KAZN: variants seen among roughly 807,000 people sequenced by gnomAD.
KAZN encodes kazrin.
Under a neutral mutation model 87.4 loss-of-function variants are expected in KAZN, and 40 were observed. The observed-to-expected ratio is 0.46, with a 90% confidence interval of 0.36 to 0.60. KAZN has a LOEUF of 0.60. Among genes scored for constraint, KAZN ranks in the 20% least tolerant of loss-of-function variants. KAZN has a pLI of 0.00. For synonymous variants in KAZN, 466 were observed against 458.3 expected (o/e 1.02, Z -0.22); for missense variants, 898 against 1,073.9 (o/e 0.84, Z 2.29).
intron 1 of KAZN, among the ~76,000 whole-genome samples, chr1:14,099,515 G>A (rs1448247489): frequency 6.6e-6 from 1 of 152,108 alleles, no homozygotes; most frequent in Non-Finnish European, 1.5e-5. Flanking sequence ...AAGCCTGCCT[G>A]CTACCTGCCA....
chr1:15,086,336 A>G (rs1330791335), intron 8 of KAZN, among the ~76,000 whole-genome samples: 5 of 152,212 alleles, frequency 3.3e-5, no homozygotes, highest in Non-Finnish European at 7.3e-5. Context: ...ACTTCTCTAT[A>G]GCAGAAATGA....
intron 1 of KAZN, among the ~76,000 whole-genome samples, chr1:14,896,059 TTTTTTTTTTTTTTG>T (rs1196801132): frequency 3.5e-4 from 2 of 5,692 alleles, no homozygotes; most frequent in East Asian, 5.2e-3. Flanking sequence ...TTTTTTTTTT[TTTTTTTTTTTTTTG>T]GACACAGATT....
In KAZN at chr1:14,769,534, A is replaced by G. The variant is rs556975897; in HGVS notation, c.226+170311A>G. Among the ~76,000 whole-genome samples, 18 of 152,128 alleles carry G rather than the reference A, an allele frequency of 1.2e-4. No homozygotes were observed. The highest frequency in any genetic ancestry group is 3.9e-4 in the Admixed American group (6 of 15,274). On this transcript the variant is annotated intron_variant, in intron 1 of 14. Coordinates refer to ENST00000376030, the MANE Select transcript of KAZN (RefSeq NM_201628.3). This position sits in a 1 kb window ranked among gnomAD's most constrained non-coding sequence, Gnocchi z 4.1. The stretch of plus-strand genomic sequence containing the variant: ...CACGCCCGGCTAATTTTGTATTTTT[A>G]GTAGAGACAGGGTTTCACCATGTTG...
At chr1:14,432,830 T>G (rs543523328) in intron 2 of KAZN, among the ~76,000 whole-genome samples, 34 of 152,164 alleles carry the variant, frequency 2.2e-4, no homozygotes, top group Non-Finnish European at 3.1e-4. Flanking sequence ...GGTGTTTGGT[T>G]TTCTGTTCCT....
intron 2 of KAZN, among the ~76,000 whole-genome samples, chr1:14,576,440 AATGG>A (rs146715522): frequency 0.024 from 3,647 of 150,638 alleles, 165 homozygotes; most frequent in African/African-American, 0.085. Flanking sequence ...TGAATGGAAC[AATGG>A]ATGGATGGAT....
intron 2 of KAZN, among the ~76,000 whole-genome samples, chr1:14,586,111 AC>A (rs1305299095): frequency 6.6e-6 from 1 of 152,180 alleles, no homozygotes; most frequent in Non-Finnish European, 1.5e-5. Context: ...ACCAAAGAAG[AC>A]TTGTAAAGTT....
intron 2 of KAZN, among the ~76,000 whole-genome samples, chr1:15,005,723 G>A (rs1668936890): frequency 1.3e-5 from 2 of 152,264 alleles, no homozygotes; most frequent in African/African-American, 4.8e-5. Flanking sequence ...GGGAAGCAGA[G>A]GTGGCAGGGA....
chr1:14,228,979 G>T (rs569272403), intron 2 of KAZN, among the ~76,000 whole-genome samples: 4 of 152,344 alleles, frequency 2.6e-5, no homozygotes, highest in Admixed American at 2.6e-4. Flanking sequence ...CCACACAGTG[G>T]CATGCTAACA....
Position 14,982,417 on chromosome 1 carries a change from ATTTTTTTTTTTT to A in KAZN, c.418+21561_418+21572del, listed in dbSNP as rs71000353. Among the ~76,000 whole-genome samples the A allele has an allele frequency of 6.0e-4, 39 of 64,830 alleles. No homozygotes were observed. The East Asian group carries it at 9.8e-3, about 16-fold the overall frequency. The allele number at this position is 64,830 out of a possible 152,430, so 42.5% of individuals were successfully genotyped here. ...GGGGCCGCTGTTCTCAGCACCTGAG[ATTTTTTTTTTTT>A]TTTTTTTTTTTTTTTTTTGAGATGG... On this transcript the variant is annotated intron_variant, in intron 2 of 14. Coordinates refer to ENST00000376030, the MANE Select transcript of KAZN (RefSeq NM_201628.3).
chr1:13,974,584 G>C (rs1448105921), intron 1 of KAZN, among the ~76,000 whole-genome samples: 1 of 152,158 alleles, frequency 6.6e-6, no homozygotes, highest in Non-Finnish European at 1.5e-5. Flanking sequence ...AGACAGAAGA[G>C]GAGAAGACAA....
intron 1 of KAZN, among the ~76,000 whole-genome samples, chr1:14,841,364 C>G (rs1207292753): frequency 6.9e-6 from 1 of 144,052 alleles, no homozygotes; most frequent in African/African-American, 2.6e-5. Context: ...CGAGATCGCC[C>G]CACTGCACTC....
intron 2 of KAZN, among the ~76,000 whole-genome samples, chr1:14,359,609 G>A (rs1281962923): frequency 6.6e-6 from 1 of 152,110 alleles, no homozygotes; most frequent in African/African-American, 2.4e-5. Flanking sequence ...AGTCCTTCAG[G>A]AGCTCTTGAA....
chr1:13,932,081 T>C (rs951402942), intron 1 of KAZN, among the ~76,000 whole-genome samples: 13 of 150,354 alleles, frequency 8.6e-5, no homozygotes, highest in Non-Finnish European at 7.4e-5. Flanking sequence ...TGGTCTCAAA[T>C]TCCTGACCTC....
intron 1 of KAZN, among the ~76,000 whole-genome samples, chr1:14,643,257 T>C (rs1190483076): frequency 6.6e-6 from 1 of 152,168 alleles, no homozygotes; most frequent in Non-Finnish European, 1.5e-5. Context: ...GCCTTACAGG[T>C]TATTTCATCA....
In KAZN at chr1:14,883,340, G is replaced by GAGAA. The variant is rs1214984646; in HGVS notation, c.227-77330_227-77327dup. On this transcript the variant is annotated intron_variant, in intron 1 of 14. Transcript: ENST00000376030. ...AGAAAGAGAGAGAGAGAGAGAGAGAGAGAAAGAAAGAAAGAAAAGAAAGAA... is the reference window on the plus strand; with the variant it reads ...AGAAAGAGAGAGAGAGAGAGAGAGAGAGAAAGAAAGAAAGAAAGAAAAGAAAGAA... 1.9e-3 allele frequency among the ~76,000 whole-genome samples: 46 copies of GAGAA among 24,506 alleles called. 9 individuals carry two copies. The highest frequency in any genetic ancestry group is 3.6e-3 in the Admixed American group (6 of 1,682). The allele number at this position is 24,506 out of a possible 152,430, so 16.1% of individuals were successfully genotyped here. A position where few individuals can be genotyped will look rare whatever the true frequency, so the allele number is the denominator to read the frequency against.
intron 2 of KAZN, among the ~76,000 whole-genome samples, chr1:15,030,614 C>T (rs1355168234): frequency 1.3e-5 from 2 of 152,206 alleles, no homozygotes; most frequent in South Asian, 2.1e-4. Flanking sequence ...GCAATGTGGT[C>T]GCATCATGTT....
chr1:14,143,660 G>T (rs1645287461), intron 1 of KAZN, among the ~76,000 whole-genome samples: 1 of 151,750 alleles, frequency 6.6e-6, no homozygotes, highest in Non-Finnish European at 1.5e-5. Flanking sequence ...CACAAATTTT[G>T]CCCTCCCTGG....
intron 1 of KAZN, among the ~76,000 whole-genome samples, chr1:14,062,458 A>G (rs1642833304): frequency 6.6e-6 from 1 of 152,166 alleles, no homozygotes; most frequent in South Asian, 2.1e-4. Context: ...GTCTTGTCTG[A>G]TGGATGACGG....
chr1:14,446,106 G>A (rs1666971114), intron 2 of KAZN, among the ~76,000 whole-genome samples: 1 of 152,156 alleles, frequency 6.6e-6, no homozygotes, highest in Admixed American at 6.5e-5. Flanking sequence ...TGAGGCTGGA[G>A]GATTACTTCA....
Sources: allele counts gnomAD v4.1 joint callset (sites outside exome capture counted in the v4.1 genomes callset), GRCh38; gene constraint gnomAD v4.1.1; non-coding constraint Gnocchi (gnomAD v3.1); transcripts MANE v1.5; gene names NCBI Gene and HGNC (gene_info 2026-07-23, HGNC 2026-07-21).